Variants in OSBPL10 observed in about 807,000 individuals in gnomAD.
OSBPL10 encodes the protein oxysterol binding protein like 10, also known as oxysterol-binding protein-related protein 10.
OSBPL10 carries 49 observed loss-of-function variants against 81.7 expected under a neutral mutation model. The observed-to-expected ratio is 0.60, with a 90% CI of 0.48 to 0.76. The LOEUF is 0.76. Among genes scored for constraint, OSBPL10 ranks in the 30% least tolerant of loss-of-function variants. The probability of loss-of-function intolerance (pLI) is 0.00; values close to 1 mark genes in which losing one functional copy is unlikely to be tolerated. For synonymous variants in OSBPL10, 419 were observed against 383.6 expected (o/e 1.09, Z -1.08); for missense variants, 923 against 987.8 (o/e 0.93, Z 0.88).
upstream of OSBPL10, among the ~76,000 whole-genome samples, chr3:31,982,623 T>G (rs1191389336): frequency 6.6e-6 from 1 of 150,850 alleles, no homozygotes; most frequent in Non-Finnish European, 1.5e-5. Flanking sequence ...CCTGAGTAAA[T>G]TACAATTCCA....
At chr3:31,934,147 A>G (rs1697322766) in intron 1 of OSBPL10, among the ~76,000 whole-genome samples, 1 of 151,876 alleles carries the variant, frequency 6.6e-6, no homozygotes, top group Non-Finnish European at 1.5e-5. Flanking sequence ...AACTAATTAC[A>G]AAGGCTTTTT....
chr3:31,976,665 C>A (rs1430506966), intron 1 of OSBPL10, among the ~76,000 whole-genome samples: 1 of 152,076 alleles, frequency 6.6e-6, no homozygotes, highest in Non-Finnish European at 1.5e-5. Flanking sequence ...CCATGGTTCC[C>A]ACGCTGGTCT....
intron 2 of OSBPL10, among the ~76,000 whole-genome samples, chr3:31,999,358 T>C (rs1699121722): frequency 8.5e-6 from 1 of 117,556 alleles, no homozygotes. Context: ...AATATCAAAA[T>C]CTTTTTTTTT....
In OSBPL10 at chr3:31,661,955, C is replaced by A. The variant is rs1575459115; in HGVS notation, c.*117G>T. The A allele has an allele frequency of 7.1e-7, 1 of 1,403,262 alleles. No individual in the cohort carries two copies. The highest frequency in any genetic ancestry group is 2.3e-5 in the East Asian group (1 of 43,110). The allele number at this position is 1,403,262 out of a possible 1,614,324, so 86.9% of individuals were successfully genotyped here. A position where few individuals can be genotyped will look rare whatever the true frequency, so the allele number is the denominator to read the frequency against. On this transcript the variant is annotated 3_prime_UTR_variant, in exon 12 of 12. Coordinates refer to ENST00000396556, the MANE Select transcript of OSBPL10 (RefSeq NM_017784.5). ...AGTATATAATTTCTCTCTCTCTCATCATTTCTTGGATGCTAATACAAGGTC... is the reference window on the plus strand; with the variant it reads ...AGTATATAATTTCTCTCTCTCTCATAATTTCTTGGATGCTAATACAAGGTC...
intron 7 of OSBPL10, among the ~76,000 whole-genome samples, chr3:31,685,765 T>G (rs1559415392): frequency 6.6e-6 from 1 of 152,124 alleles, no homozygotes; most frequent in African/African-American, 2.4e-5. Context: ...TCACACAGGC[T>G]CACAGATCTG....
chr3:31,762,491 G>T (rs1052179832), intron 4 of OSBPL10, among the ~76,000 whole-genome samples: 1 of 151,792 alleles, frequency 6.6e-6, no homozygotes, highest in Admixed American at 6.6e-5. Flanking sequence ...GTTTTGTTTC[G>T]AGACAGGGTC....
At position 31,981,032 on chromosome 3, in the gene OSBPL10, C is replaced by A. The variant is rs944752910; in HGVS notation, c.148G>T (p.Gly50Cys). The change falls in exon 1 of 12, where the codon GGC becomes TGC. Residue 50 changes from glycine (G) to cysteine (C), a missense_variant. Transcript: ENST00000396556. The surrounding 1 kb of genome is among the most constrained non-coding windows in gnomAD (Gnocchi z 4.5). ...GGGCTGCTGCGGCTTCCCCCGCCGC[C>A]GAGCCCGGCCGCCGCCGACCGGCTG... ...VSSRSAAAGL[G>C]GGGSRSSPGS... is the part of the protein sequence containing the mutation. The A allele has an allele frequency of 3.4e-6, 5 of 1,470,610 alleles. No homozygotes were observed. The African/African-American group carries it at 4.4e-5, about 13-fold the overall frequency. 91.1% of individuals were successfully genotyped at this position (1,470,610 alleles called of 1,614,324 possible).
intron 4 of OSBPL10, among the ~76,000 whole-genome samples, chr3:31,790,711 G>A (rs1698988395): frequency 6.6e-6 from 1 of 152,012 alleles, no homozygotes; most frequent in South Asian, 2.1e-4. Context: ...TATAAAATTT[G>A]AGAGCTTCAA....
intron 6 of OSBPL10, among the ~76,000 whole-genome samples, chr3:31,706,615 T>TAG (rs1380974124): frequency 3.3e-5 from 5 of 152,074 alleles, no homozygotes; most frequent in Non-Finnish European, 5.9e-5. Flanking sequence ...TGACGTGTGT[T>TAG]AGGTTTGTGT....
At chr3:31,909,857 A>T (rs548438968) in intron 1 of OSBPL10, among the ~76,000 whole-genome samples, 13 of 152,280 alleles carry the variant, frequency 8.5e-5, no homozygotes, top group South Asian at 2.1e-4. Context: ...CCATTTTTTT[A>T]AAAATGTTAA....
In OSBPL10 at chr3:31,989,210, C is replaced by G. The variant is rs373931545; in HGVS notation, n.298+57281G>C. On this transcript the variant is annotated intron_variant and non_coding_transcript_variant, in intron 2 of 3. Transcript: ENST00000479173. Reference sequence around the variant, plus strand: ...GAGGAGTGGAAATGCCTGGACCCTACGCAGAGGGCTTTATACAGGGCCATG... The same window carrying G: ...GAGGAGTGGAAATGCCTGGACCCTAGGCAGAGGGCTTTATACAGGGCCATG... 31 of 1,614,122 alleles carry G rather than the reference C, an allele frequency of 1.9e-5. No individual in the cohort carries two copies. The Middle Eastern group carries it at 9.9e-4, about 52-fold the overall frequency.
Position 31,662,017 on chromosome 3 carries a change from T to G in OSBPL10, c.*55A>C. On this transcript the variant is annotated 3_prime_UTR_variant, in exon 12 of 12. Coordinates refer to ENST00000396556, the MANE Select transcript of OSBPL10 (RefSeq NM_017784.5). ...CAACAAAACCCTGATACTCTACTAC[T>G]TTAATATTCCTACAAAAACAGGGCT... The G allele has an allele frequency of 8.1e-6, 13 of 1,603,462 alleles. No individual in the cohort carries two copies. The highest frequency in any genetic ancestry group is 1.3e-5 in the African/African-American group (1 of 74,472).
At chr3:31,666,640 G>A (rs1700197146) in intron 10 of OSBPL10, among the ~76,000 whole-genome samples, 2 of 152,120 alleles carry the variant, frequency 1.3e-5, no homozygotes, top group African/African-American at 4.8e-5. Flanking sequence ...CTTTACCTAT[G>A]GAGGATACAT....
At chr3:31,675,924 C>T (rs1040496591) in intron 8 of OSBPL10, among the ~76,000 whole-genome samples, 2 of 131,364 alleles carry the variant, frequency 1.5e-5, no homozygotes, top group African/African-American at 3.1e-5. Flanking sequence ...GCAGCCTGGG[C>T]GACAGAGCGA....
chr3:31,831,260 G>C (rs1045104828), intron 3 of OSBPL10, among the ~76,000 whole-genome samples: 11 of 152,038 alleles, frequency 7.2e-5, no homozygotes, highest in African/African-American at 2.7e-4. Context: ...TACAAAATTA[G>C]CCAGGCATGG....
intron 1 of OSBPL10, among the ~76,000 whole-genome samples, chr3:31,907,619 C>CAAAAAAAAAAAAA (rs142840420): frequency 3.1e-4 from 20 of 63,872 alleles, no homozygotes; most frequent in African/African-American, 1.1e-3. Context: ...ACCTCCATCT[C>CAAAAAAAAAAAAA]AAAAAAAAAA....
chr3:31,978,843 T>G (rs1054542306), intron 1 of OSBPL10, among the ~76,000 whole-genome samples: 1 of 152,238 alleles, frequency 6.6e-6, no homozygotes, highest in African/African-American at 2.4e-5. Context: ...GCATTAAATG[T>G]GCTTCTTCTC....
chr3:31,847,718 G>A (rs1390872235), intron 3 of OSBPL10, among the ~76,000 whole-genome samples: 1 of 152,040 alleles, frequency 6.6e-6, no homozygotes, highest in African/African-American at 2.4e-5. Flanking sequence ...TCTCAGTGAG[G>A]GAATTTAATA....
At chr3:31,724,235 T>C (rs919585059) in intron 6 of OSBPL10, among the ~76,000 whole-genome samples, 3 of 152,190 alleles carry the variant, frequency 2.0e-5, no homozygotes, top group Non-Finnish European at 4.4e-5. Flanking sequence ...GCTTAATTCT[T>C]TGAGTACTGC....
Sources: gnomAD v4.1 joint callset for allele counts (sites outside exome capture counted in the v4.1 genomes callset) on GRCh38, gnomAD v4.1.1 for gene constraint, Gnocchi (gnomAD v3.1) non-coding constraint, MANE v1.5 for transcripts, NCBI Gene and HGNC (gene_info 2026-07-23, HGNC 2026-07-21) for gene names.